L3MBTL4: variants seen among roughly 807,000 people sequenced by gnomAD.
L3MBTL4 encodes the protein L3MBTL histone methyl-lysine binding protein 4.
In L3MBTL4, 70 loss-of-function variants were observed where a neutral mutation model predicts 84.5. That is an observed-to-expected ratio of 0.83 (90% CI 0.68 to 1.01). The LOEUF is 1.01. Ranked by LOEUF, L3MBTL4 falls within the 50% of genes least tolerant of loss-of-function variation. L3MBTL4 has a pLI of 0.00. For missense variants in L3MBTL4, 715 were observed against 754.8 expected (o/e 0.95, Z 0.62); for synonymous variants, 274 against 259.8 (o/e 1.05, Z -0.52).
At chr18:6,234,881 G>A (rs981685558) in intron 10 of L3MBTL4, among the ~76,000 whole-genome samples, 18 of 151,984 alleles carry the variant, frequency 1.2e-4, no homozygotes, top group African/African-American at 2.7e-4. Context: ...TGTTTATTAC[G>A]GCACTATTCA....
intron 4 of L3MBTL4, among the ~76,000 whole-genome samples, chr18:6,280,172 T>A (rs370871290): frequency 1.3e-5 from 2 of 152,214 alleles, no homozygotes; most frequent in East Asian, 3.8e-4. Context: ...GCAGATCACT[T>A]GAGGTAAAAG....
intron 1 of L3MBTL4, among the ~76,000 whole-genome samples, chr18:6,332,203 G>A (rs138216702): frequency 1.1e-4 from 17 of 152,286 alleles, no homozygotes; most frequent in African/African-American, 3.9e-4. Flanking sequence ...AGCCCTGAGC[G>A]AGTCAGAGCT....
chr18:6,216,559 C>A (rs1490599076), intron 10 of L3MBTL4, among the ~76,000 whole-genome samples: 2 of 152,116 alleles, frequency 1.3e-5, no homozygotes, highest in East Asian at 3.9e-4. Context: ...CTTCCTCCCT[C>A]CTACATCTCT....
At chr18:6,039,156 T>TCC (rs927731447) in intron 16 of L3MBTL4, among the ~76,000 whole-genome samples, 1 of 151,748 alleles carries the variant, frequency 6.6e-6, no homozygotes, top group African/African-American at 2.4e-5. Flanking sequence ...AAACCTACCC[T>TCC]CCCCAAACTG....
At chr18:6,045,216 T>C (rs2145750398) in intron 16 of L3MBTL4, among the ~76,000 whole-genome samples, 1 of 152,276 alleles carries the variant, frequency 6.6e-6, no homozygotes, top group East Asian at 1.9e-4. Flanking sequence ...CCAAAAGGGA[T>C]TGGGGGCCTA....
intron 12 of L3MBTL4, among the ~76,000 whole-genome samples, chr18:6,182,027 G>T (rs533159703): frequency 6.6e-6 from 1 of 152,164 alleles, no homozygotes; most frequent in East Asian, 1.9e-4. Context: ...TAATGGGACT[G>T]CTGGGTTGAA....
intron 16 of L3MBTL4, among the ~76,000 whole-genome samples, chr18:5,989,697 G>C (rs1316938634): frequency 2.6e-5 from 4 of 152,200 alleles, no homozygotes; most frequent in Non-Finnish European, 5.9e-5. Flanking sequence ...GGGAGGGAAA[G>C]CTGAGATTCC....
chr18:6,321,575 G>T (rs1035486873), intron 1 of L3MBTL4, among the ~76,000 whole-genome samples: 15 of 152,060 alleles, frequency 9.9e-5, no homozygotes. Context: ...CAAAGGAAAA[G>T]AAGTCATATC....
At chr18:6,209,056 T>C (rs2045989244) in intron 12 of L3MBTL4, among the ~76,000 whole-genome samples, 1 of 152,210 alleles carries the variant, frequency 6.6e-6, no homozygotes, top group Non-Finnish European at 1.5e-5. Context: ...CCAATTCCAA[T>C]GGCTTATCAC....
Position 6,386,752 on chromosome 18 carries a change from G to T in L3MBTL4, c.-91+28049C>A, listed in dbSNP as rs189518495. On this transcript the variant is annotated intron_variant, in intron 1 of 18. Transcript: ENST00000317931. ...AGAAGCCAAGGAGACAGAGCAGGGT[G>T]CACAAAGGGGGAGAAGGCAAGAGAT... 4.1e-4 allele frequency among the ~76,000 whole-genome samples: 62 copies of T among 152,314 alleles called. 2 individuals are homozygous for T. In the East Asian group the frequency reaches 0.012, roughly 28 times the overall value.
intron 13 of L3MBTL4, among the ~76,000 whole-genome samples, chr18:6,147,538 C>T (rs1290621384): frequency 6.6e-6 from 1 of 152,068 alleles, no homozygotes; most frequent in Non-Finnish European, 1.5e-5. Context: ...TTTATACTTA[C>T]TTGACAATCT....
chr18:6,407,993 C>T (rs1440277199), intron 1 of L3MBTL4, among the ~76,000 whole-genome samples: 2 of 152,020 alleles, frequency 1.3e-5, no homozygotes, highest in Non-Finnish European at 2.9e-5. Context: ...TGTACAAAAG[C>T]CCACCAGAGA....
intron 13 of L3MBTL4, 50 bp from the exon 14 acceptor site, chr18:6,138,346 C>T: frequency 1.8e-6 from 2 of 1,114,480 alleles, no homozygotes; most frequent in Non-Finnish European, 1.3e-6. Flanking sequence ...TTAAAGAAGA[C>T]TGCAAATCTG....
At chr18:6,167,403 A>T (rs2043728080) in intron 13 of L3MBTL4, among the ~76,000 whole-genome samples, 1 of 152,234 alleles carries the variant, frequency 6.6e-6, no homozygotes, top group South Asian at 2.1e-4. Flanking sequence ...AATATCCTTG[A>T]TGAACATTCA....
At chr18:6,222,331 A>G (rs1051217960) in intron 10 of L3MBTL4, among the ~76,000 whole-genome samples, 7 of 152,208 alleles carry the variant, frequency 4.6e-5, no homozygotes, top group Admixed American at 2.0e-4. Context: ...CAAAGAGCTC[A>G]TTTTATAATT....
At chr18:6,216,908 G>T (rs1487605667) in intron 10 of L3MBTL4, among the ~76,000 whole-genome samples, 1 of 151,906 alleles carries the variant, frequency 6.6e-6, no homozygotes, top group African/African-American at 2.4e-5. Flanking sequence ...GAGGTTTGAG[G>T]ATTTCTTTTT....
At chr18:5,967,705 G>A (rs528422021) in intron 17 of L3MBTL4, among the ~76,000 whole-genome samples, 13 of 152,342 alleles carry the variant, frequency 8.5e-5, no homozygotes, top group African/African-American at 2.9e-4. Flanking sequence ...CTCAGACCGA[G>A]GATCCGCAAG....
chr18:6,406,995 G>A (rs922674974), intron 1 of L3MBTL4, among the ~76,000 whole-genome samples: 14 of 152,114 alleles, frequency 9.2e-5, no homozygotes, highest in African/African-American at 3.1e-4. Context: ...CACACTTTGC[G>A]CATCACGGTG....
At chr18:5,984,774 C>T (rs1203740326) in intron 16 of L3MBTL4, among the ~76,000 whole-genome samples, 1 of 152,082 alleles carries the variant, frequency 6.6e-6, no homozygotes, top group Admixed American at 6.5e-5. Context: ...AATGTTGTTT[C>T]TGAATTATTT....
Sources: gnomAD v4.1 joint callset for allele counts (sites outside exome capture counted in the v4.1 genomes callset) on GRCh38, gnomAD v4.1.1 for gene constraint, MANE v1.5 for transcripts, NCBI Gene and HGNC (gene_info 2026-07-23, HGNC 2026-07-21) for gene names.